The following ASCC3 variants were observed in gnomAD, a reference collection of about 807,000 sequenced individuals.
ASCC3 encodes activating signal cointegrator 1 complex subunit 3.
In ASCC3, 158 loss-of-function variants were observed where a neutral mutation model predicts 256.3. The ratio of observed to expected loss-of-function variants is 0.62; its 90% CI spans 0.54 to 0.70. The LOEUF is 0.70. Ranked by LOEUF, ASCC3 falls within the 30% of genes least tolerant of loss-of-function variation. The pLI is 0.00. For missense variants in ASCC3, 2,259 were observed against 2,626.0 expected (o/e 0.86, Z 3.05); for synonymous variants, 948 against 883.4 (o/e 1.07, Z -1.30).
intron 37 of ASCC3, chr6:100,531,113 C>A: frequency 9.5e-7 from 1 of 1,052,990 alleles, no homozygotes; most frequent in South Asian, 1.3e-5. Context: ...GAAAATTGCA[C>A]AATTTCTGCT....
chr6:100,544,905 T>G (rs1775634493), intron 36 of ASCC3, among the ~76,000 whole-genome samples: 1 of 152,158 alleles, frequency 6.6e-6, no homozygotes, highest in South Asian at 2.1e-4. Context: ...GTAAAAATTC[T>G]AAACAAAATT....
At chr6:100,745,507 A>C (rs1780622098) in intron 10 of ASCC3, among the ~76,000 whole-genome samples, 1 of 42,552 alleles carries the variant, frequency 2.4e-5, no homozygotes. Flanking sequence ...ACCTAACCAA[A>C]AAAAAAAAAC....
intron 36 of ASCC3, among the ~76,000 whole-genome samples, chr6:100,551,454 G>T (rs1270101668): frequency 3.3e-5 from 5 of 151,936 alleles, no homozygotes; most frequent in Admixed American, 1.3e-4. Flanking sequence ...AAAGAAAAAG[G>T]AAGGAGGGAA....
At chr6:100,621,164 G>A (rs1773933150) in intron 30 of ASCC3, among the ~76,000 whole-genome samples, 1 of 152,114 alleles carries the variant, frequency 6.6e-6, no homozygotes. Flanking sequence ...GAAAAGAAAT[G>A]AGATCATGTC....
chr6:100,679,588 GCTTTAGTT>G (rs1222480502), intron 14 of ASCC3, 22 bp downstream of exon 14: 1 of 1,612,532 alleles, frequency 6.2e-7, no homozygotes, highest in East Asian at 2.2e-5. Flanking sequence ...CATGTTACAT[GCTTTAGTT>G]CTTGTCCTCT....
chr6:100,615,622 T>G (rs963157224), intron 30 of ASCC3, among the ~76,000 whole-genome samples: 23 of 152,218 alleles, frequency 1.5e-4, no homozygotes, highest in African/African-American at 4.8e-4. Flanking sequence ...CACTTAATAC[T>G]TAGTTTAGTA....
chr6:100,855,989 G>T (rs1772924373), intron 3 of ASCC3, among the ~76,000 whole-genome samples: 1 of 152,140 alleles, frequency 6.6e-6, no homozygotes, highest in African/African-American at 2.4e-5. Flanking sequence ...CTATAAAAAA[G>T]TTAGGAATCT....
At position 100,848,266 on chromosome 6, in the gene ASCC3, T is replaced by A. The variant is rs749652427; in HGVS notation, c.683A>T (p.Glu228Val). 7 of 1,614,124 alleles carry A rather than the reference T, an allele frequency of 4.3e-6. No individual in the cohort carries two copies. In the East Asian group the frequency reaches 1.6e-4, roughly 36 times the overall value. Residue 228 changes from glutamate (E) to valine (V), a missense_variant, in exon 4 of 42, where the codon GAA becomes GTA. Around this residue, in one of 2 missense-constraint regions of ASCC3, gnomAD observed 420 missense variants for 419.3 expected, o/e 1.00. Transcript: ENST00000369162. ...TNGSFLWCEV[E>V]KYLNSTLKEM... The stretch of plus-strand genomic sequence containing the variant: ...CTTCAAAGTTGAATTTAGGTACTTT[T>A]CAACTTCACACCACAAAAAGGAGCC...
chr6:100,585,131 T>C (rs1771575415), intron 36 of ASCC3, among the ~76,000 whole-genome samples: 1 of 152,214 alleles, frequency 6.6e-6, no homozygotes, highest in African/African-American at 2.4e-5. Flanking sequence ...TGGCCTGCCT[T>C]GCTAGATTGG....
Position 100,565,684 on chromosome 6 carries a change from C to T in ASCC3, c.5550+23950G>A, listed in dbSNP as rs80150521. Among the ~76,000 whole-genome samples the T allele has an allele frequency of 2.8e-3, 422 of 151,812 alleles. 4 individuals are homozygous for T. Among genetic ancestry groups the T allele is most frequent in the African/African-American group, 9.4e-3 (388 of 41,402 alleles). ...AAAATATTAACCTGGGGAGAGAGGA[C>T]GAAGGGAACAAGGGAGTAGGGCAGA... On this transcript the variant is annotated intron_variant, in intron 36 of 41. Transcript: ENST00000369162.
intron 8 of ASCC3, 48 bp downstream of exon 8, chr6:100,798,665 C>T (rs367868765): frequency 2.4e-5 from 39 of 1,607,392 alleles, no homozygotes; most frequent in African/African-American, 5.4e-5. Context: ...TCATTCATAC[C>T]GCATACCAAG....
chr6:100,657,825 T>A (rs1024014625), intron 16 of ASCC3, among the ~76,000 whole-genome samples: 4 of 151,442 alleles, frequency 2.6e-5, no homozygotes, highest in African/African-American at 9.7e-5. Context: ...GAAGGTAAAT[T>A]TATGATGCTA....
At chr6:100,604,591 C>T (rs941879378) in intron 33 of ASCC3, among the ~76,000 whole-genome samples, 2 of 151,762 alleles carry the variant, frequency 1.3e-5, no homozygotes, top group African/African-American at 2.4e-5. Flanking sequence ...GCATGAACCA[C>T]TATGCCTGGC....
At chr6:100,566,357 C>A (rs1009710610) in intron 36 of ASCC3, among the ~76,000 whole-genome samples, 1 of 152,124 alleles carries the variant, frequency 6.6e-6, no homozygotes, top group Non-Finnish European at 1.5e-5. Flanking sequence ...AATGGTCATG[C>A]TGAGATTCGA....
At chr6:100,563,011 A>G (rs1485894642) in intron 36 of ASCC3, among the ~76,000 whole-genome samples, 2 of 151,528 alleles carry the variant, frequency 1.3e-5, no homozygotes, top group African/African-American at 4.8e-5. Context: ...TATTTTCTTT[A>G]TATTTGTTAA....
chr6:100,671,135 GGTT>G (rs1428273542), intron 14 of ASCC3, among the ~76,000 whole-genome samples: 1 of 151,900 alleles, frequency 6.6e-6, no homozygotes, highest in African/African-American at 2.4e-5. Flanking sequence ...AACACACAAT[GGTT>G]GTTGTACAAA....
chr6:100,871,685 G>A (rs1326412516), intron 1 of ASCC3, among the ~76,000 whole-genome samples: 1 of 152,166 alleles, frequency 6.6e-6, no homozygotes, highest in Non-Finnish European at 1.5e-5. Context: ...AGAATTGCTT[G>A]AGCCCGGAAG....
At chr6:100,617,870 ACT>A (rs1359900495) in intron 30 of ASCC3, among the ~76,000 whole-genome samples, 1 of 151,618 alleles carries the variant, frequency 6.6e-6, no homozygotes, top group African/African-American at 2.4e-5. Context: ...GTTTCTCCAC[ACT>A]CTGTCTGAGA....
At chr6:100,807,165 C>T (rs968311464) in intron 4 of ASCC3, among the ~76,000 whole-genome samples, 2 of 151,606 alleles carry the variant, frequency 1.3e-5, no homozygotes, top group Admixed American at 6.6e-5. Context: ...ATACCAAATT[C>T]GGTAATATAA....
Sources: allele counts gnomAD v4.1 joint callset (sites outside exome capture counted in the v4.1 genomes callset), GRCh38; gene constraint gnomAD v4.1.1; regional missense constraint gnomAD v4.1.1; transcripts MANE v1.5; gene names NCBI Gene and HGNC (gene_info 2026-07-23, HGNC 2026-07-21).